RBFOX2: variants seen among roughly 807,000 people sequenced by gnomAD.
RBFOX2 encodes RNA binding fox-1 homolog 2.
A neutral mutation model predicts 49.1 loss-of-function variants in RBFOX2; 10 were observed. The ratio of observed to expected loss-of-function variants is 0.20; its 90% CI spans 0.13 to 0.35. The LOEUF (loss-of-function observed/expected upper bound fraction) is 0.35. Ranked by LOEUF, RBFOX2 falls within the 10% of genes least tolerant of loss-of-function variation. The probability of loss-of-function intolerance (pLI) is 1.00; values close to 1 mark genes in which losing one functional copy is unlikely to be tolerated. For synonymous variants in RBFOX2, 183 were observed against 187.4 expected (o/e 0.98, Z 0.19); for missense variants, 323 against 486.9 (o/e 0.66, Z 3.17).
chr22:36,014,876 C>T (rs1268426206), intron 1 of RBFOX2, among the ~76,000 whole-genome samples: 2 of 152,214 alleles, frequency 1.3e-5, no homozygotes, highest in African/African-American at 2.4e-5. Flanking sequence ...GCACTTAACA[C>T]ACTTTAATGC....
upstream of RBFOX2, among the ~76,000 whole-genome samples, chr22:35,965,384 G>C (rs377762430): frequency 1.3e-5 from 2 of 152,240 alleles, no homozygotes; most frequent in East Asian, 3.9e-4. Context: ...CTTTGAGTTA[G>C]ATTTCCACAG....
At chr22:35,813,356 A>G (rs1338843140) in intron 1 of RBFOX2, among the ~76,000 whole-genome samples, 3 of 152,242 alleles carry the variant, frequency 2.0e-5, no homozygotes, top group African/African-American at 7.2e-5. Context: ...AACAGTTCAC[A>G]TGAGTATTTC....
At chr22:35,765,059 G>A (rs1408485884) in intron 6 of RBFOX2, among the ~76,000 whole-genome samples, 1 of 151,554 alleles carries the variant, frequency 6.6e-6, no homozygotes, top group African/African-American at 2.4e-5. Flanking sequence ...AGAACTAAAA[G>A]TAAGAGTCAG....
At chr22:35,913,007 A>G (rs2049997112) in intron 1 of RBFOX2, among the ~76,000 whole-genome samples, 1 of 152,230 alleles carries the variant, frequency 6.6e-6, no homozygotes, top group African/African-American at 2.4e-5. Flanking sequence ...ATAAATTTCA[A>G]TTGTTAATGG....
chr22:35,982,494 C>A (rs989746628), intron 1 of RBFOX2, among the ~76,000 whole-genome samples: 1 of 152,098 alleles, frequency 6.6e-6, no homozygotes, highest in South Asian at 2.1e-4. Flanking sequence ...TCTCTCTCTG[C>A]CTCCCTCCAC....
upstream of RBFOX2, among the ~76,000 whole-genome samples, chr22:35,965,150 G>A (rs1313587376): frequency 2.0e-5 from 3 of 152,310 alleles, no homozygotes; most frequent in Middle Eastern, 3.4e-3. Flanking sequence ...CATGGAGAAT[G>A]AGCAGGAGTT....
intron 1 of RBFOX2, among the ~76,000 whole-genome samples, chr22:36,014,930 C>T (rs1224640385): frequency 6.6e-6 from 1 of 152,182 alleles, no homozygotes; most frequent in Admixed American, 6.5e-5. Context: ...CAACTGATCT[C>T]CAACACTGTA....
chr22:35,777,154 G>A (rs1602562477), intron 4 of RBFOX2, among the ~76,000 whole-genome samples: 1 of 152,058 alleles, frequency 6.6e-6, no homozygotes, highest in Non-Finnish European at 1.5e-5. Flanking sequence ...TGGGATTACA[G>A]GCGTGTGCCA....
chr22:35,828,218 C>A (rs892137314), intron 1 of RBFOX2, among the ~76,000 whole-genome samples: 10 of 148,082 alleles, frequency 6.8e-5, no homozygotes, highest in Non-Finnish European at 9.0e-5. Context: ...ACTAAAAAAA[C>A]CACAAAATAC....
chr22:36,016,188 T>C (rs1569523600), intron 1 of RBFOX2, among the ~76,000 whole-genome samples: 2 of 151,878 alleles, frequency 1.3e-5, no homozygotes, highest in African/African-American at 4.8e-5. Context: ...CCAATTTGTA[T>C]GGGAAAAAGC....
At chr22:35,994,565 C>G (rs2150124696) in intron 1 of RBFOX2, 1 of 151,936 alleles carries the variant, frequency 6.6e-6, no homozygotes, top group East Asian at 1.9e-4. Flanking sequence ...GTCACCATAC[C>G]CAGTTAATTT....
At chr22:36,002,933 T>C (rs1280570893) in intron 1 of RBFOX2, among the ~76,000 whole-genome samples, 1 of 152,246 alleles carries the variant, frequency 6.6e-6, no homozygotes, top group Non-Finnish European at 1.5e-5. Flanking sequence ...GCCCGGACTC[T>C]TCCAGTTCTA....
At chr22:35,876,304 C>A (rs762755663) in intron 1 of RBFOX2, among the ~76,000 whole-genome samples, 1 of 152,086 alleles carries the variant, frequency 6.6e-6, no homozygotes, top group Non-Finnish European at 1.5e-5. Context: ...CGGCTCTCTG[C>A]AACCTCCACC....
intron 1 of RBFOX2, among the ~76,000 whole-genome samples, chr22:35,938,005 A>G (rs777407734): frequency 1.1e-4 from 17 of 152,248 alleles, no homozygotes; most frequent in Non-Finnish European, 1.8e-4. Flanking sequence ...CTGGACAAGT[A>G]TAACAATGGT....
chr22:35,843,227 C>T (rs1440271538), upstream of RBFOX2, among the ~76,000 whole-genome samples: 1 of 152,046 alleles, frequency 6.6e-6, no homozygotes, highest in Non-Finnish European at 1.5e-5. Flanking sequence ...AGGACATTTC[C>T]TGTATGTGTG....
rs757775003 is a variant in RBFOX2, at chr22:35,759,931, C to A, written c.844G>T (p.Ala282Ser). The A allele has an allele frequency of 4.5e-5, 73 of 1,613,592 alleles. No homozygotes were observed. Among genetic ancestry groups the A allele is most frequent in the Non-Finnish European group, 6.2e-5 (73 of 1,180,030 alleles). Residue 282 changes from alanine to serine, a missense_variant, in exon 9 of 12, where the codon GCA becomes TCA. Ala to Ser is a moderately conservative substitution (Grantham distance 99). Coordinates refer to ENST00000405409, the Ensembl canonical transcript of RBFOX2. The surrounding 1 kb of genome is among the most constrained non-coding windows in gnomAD (Gnocchi z 4.6). ...GCTGTTGGAGGTACCGCTCGGACTG[C>A]ACCATATACTGTCCGCCCTCTGCCC...
At chr22:35,833,896 GTAT>G (rs1957205847) in intron 1 of RBFOX2, among the ~76,000 whole-genome samples, 1 of 151,864 alleles carries the variant, frequency 6.6e-6, no homozygotes, top group African/African-American at 2.4e-5. Context: ...TTATTATTTA[GTAT>G]TATTAGATAA....
chr22:35,828,809 T>C (rs1302489130), intron 1 of RBFOX2, among the ~76,000 whole-genome samples: 1 of 152,064 alleles, frequency 6.6e-6, no homozygotes, highest in Non-Finnish European at 1.5e-5. Flanking sequence ...CCCAGCACTT[T>C]GGGAGGCCGA....
chr22:35,830,708 A>G (rs904678951), intron 1 of RBFOX2, among the ~76,000 whole-genome samples: 1 of 152,202 alleles, frequency 6.6e-6, no homozygotes, highest in African/African-American at 2.4e-5. Flanking sequence ...ATACAGTATT[A>G]TAATCTTATG....
Sources: gnomAD v4.1 joint callset for allele counts (sites outside exome capture counted in the v4.1 genomes callset) on GRCh38, gnomAD v4.1.1 for gene constraint, Gnocchi (gnomAD v3.1) non-coding constraint, MANE v1.5 for transcripts, NCBI Gene and HGNC (gene_info 2026-07-23, HGNC 2026-07-21) for gene names.